SEPTIN7: variants seen among roughly 807,000 people sequenced by gnomAD.
The protein encoded by SEPTIN7 is septin 7, also known as septin-7.
In SEPTIN7, 10 loss-of-function variants were observed where a neutral mutation model predicts 63.3. The ratio of observed to expected loss-of-function variants is 0.16; its 90% CI spans 0.10 to 0.27. The LOEUF (loss-of-function observed/expected upper bound fraction) is 0.27. SEPTIN7 is among the 10% of genes least tolerant of loss of function. The pLI, the probability that SEPTIN7 is intolerant of heterozygous loss-of-function variation, is 1.00. For synonymous variants in SEPTIN7, 131 were observed against 165.3 expected, an observed-to-expected ratio of 0.79 and a Z score of 1.59; for missense variants, 310 against 521.0, an observed-to-expected ratio of 0.59 and a Z score of 3.94.
chr7:35,869,435 A>G (rs1448268450), intron 4 of SEPTIN7, among the ~76,000 whole-genome samples: 1 of 152,200 alleles, frequency 6.6e-6, no homozygotes, highest in Non-Finnish European at 1.5e-5. Context: ...GTTTGAGCTA[A>G]GTGGAGTATC....
chr7:35,839,991 T>A (rs1197635312), intron 3 of SEPTIN7, among the ~76,000 whole-genome samples: 1 of 152,234 alleles, frequency 6.6e-6, no homozygotes, highest in African/African-American at 2.4e-5. Flanking sequence ...GTATCATTTT[T>A]ATTTATTTGT....
chr7:35,842,193 A>G (rs1323832926), intron 3 of SEPTIN7, among the ~76,000 whole-genome samples: 24 of 152,150 alleles, frequency 1.6e-4, no homozygotes, highest in Admixed American at 1.6e-3. Flanking sequence ...TGTCTGAAAG[A>G]TAGTTTTATG....
Position 35,883,885 on chromosome 7 carries a change from T to G in SEPTIN7, c.724-6T>G. On this transcript the variant is annotated splice_region_variant and splice_polypyrimidine_tract_variant and intron_variant, in intron 8 of 13. Coordinates refer to ENST00000350320, the MANE Select transcript of SEPTIN7 (RefSeq NM_001788.6). ...TGTATTTGAACAAGAATACTTTGTT[T>G]TATAGGACCGTTTACCTCTTGCTGT... is the stretch of plus-strand genomic sequence containing the variant. 6.4e-7 allele frequency: 1 copy of G among 1,565,260 alleles called. No individual in the cohort carries two copies. The highest frequency in any genetic ancestry group is 8.8e-7 in the Non-Finnish European group (1 of 1,138,264).
At chr7:35,885,317 G>C (rs927116553) in intron 9 of SEPTIN7, among the ~76,000 whole-genome samples, 1 of 151,970 alleles carries the variant, frequency 6.6e-6, no homozygotes, top group Non-Finnish European at 1.5e-5. Flanking sequence ...TTAAAAATAC[G>C]CACCGGAGAA....
At chr7:35,861,535 T>C (rs572371517) in intron 3 of SEPTIN7, among the ~76,000 whole-genome samples, 2 of 152,332 alleles carry the variant, frequency 1.3e-5, no homozygotes, top group South Asian at 4.1e-4. Context: ...TGCCTAGGCC[T>C]GTGGGTCGCT....
intron 10 of SEPTIN7, among the ~76,000 whole-genome samples, chr7:35,886,789 G>A (rs928192851): frequency 3.9e-5 from 6 of 152,294 alleles, no homozygotes; most frequent in African/African-American, 1.4e-4. Context: ...GATAATAGTT[G>A]GAAATCATGG....
intron 4 of SEPTIN7, among the ~76,000 whole-genome samples, chr7:35,872,082 GA>G (rs1786186661): frequency 6.6e-6 from 1 of 152,052 alleles, no homozygotes; most frequent in Non-Finnish European, 1.5e-5. Context: ...CCAGAATGTG[GA>G]GTATCACATT....
chr7:35,808,826 G>A (rs1442660214), intron 1 of SEPTIN7, among the ~76,000 whole-genome samples: 1 of 152,142 alleles, frequency 6.6e-6, no homozygotes, highest in Non-Finnish European at 1.5e-5. Flanking sequence ...ATTTTGATTT[G>A]TTTAACATGT....
chr7:35,807,248 A>G (rs1366569552), intron 1 of SEPTIN7, among the ~76,000 whole-genome samples: 1 of 150,482 alleles, frequency 6.6e-6, no homozygotes, highest in Non-Finnish European at 1.5e-5. Context: ...GCAATGGCAC[A>G]GTCTCAGCCA....
At chr7:35,817,888 TG>T (rs1039781663) in intron 1 of SEPTIN7, among the ~76,000 whole-genome samples, 3 of 151,914 alleles carry the variant, frequency 2.0e-5, no homozygotes, top group Non-Finnish European at 4.4e-5. Flanking sequence ...GTTCCTGTAG[TG>T]TTTTTTTTTT....
chr7:35,832,672 A>G (rs746732738), intron 2 of SEPTIN7, 126 bp from the exon 3 acceptor site: 1 of 700,412 alleles, frequency 1.4e-6, no homozygotes. Flanking sequence ...TAATGCCATG[A>G]AAGTAGTTTG....
intron 1 of SEPTIN7, among the ~76,000 whole-genome samples, chr7:35,810,575 G>A (rs1329350568): frequency 1.3e-5 from 2 of 152,010 alleles, no homozygotes; most frequent in African/African-American, 4.8e-5. Flanking sequence ...CGCCCGCCTT[G>A]GCCTCCCAAA....
At chr7:35,816,889 T>C (rs1269689566) in intron 1 of SEPTIN7, among the ~76,000 whole-genome samples, 1 of 152,154 alleles carries the variant, frequency 6.6e-6, no homozygotes, top group African/African-American at 2.4e-5. Flanking sequence ...TTAAAATGCT[T>C]TGCTGAGTTT....
intron 10 of SEPTIN7, among the ~76,000 whole-genome samples, chr7:35,887,721 T>C (rs1367974855): frequency 1.3e-5 from 2 of 152,202 alleles, no homozygotes; most frequent in Non-Finnish European, 2.9e-5. Flanking sequence ...GTATAAGCAT[T>C]ACAGAGCAAA....
At chr7:35,801,710 G>A (rs570677465) in intron 1 of SEPTIN7, among the ~76,000 whole-genome samples, 2 of 152,300 alleles carry the variant, frequency 1.3e-5, no homozygotes, top group East Asian at 3.9e-4. Context: ...CCCTCGTGGG[G>A]CAGTGGGCCT....
At position 35,904,190 on chromosome 7, in the gene SEPTIN7, T is replaced by C. The variant is rs187914447; in HGVS notation, c.1275-64T>C. Reference sequence around the variant, plus strand: ...GTTGTAATTGGGTTAGCTGTTGTTATCATGTTGTCTATCATGTTTATAAAA... The same window carrying C: ...GTTGTAATTGGGTTAGCTGTTGTTACCATGTTGTCTATCATGTTTATAAAA... On this transcript the variant is annotated intron_variant, in intron 13 of 13. Transcript: ENST00000350320. 141 of 1,241,240 alleles carry C rather than the reference T, an allele frequency of 1.1e-4. 1 individual carries two copies. The highest frequency in any genetic ancestry group is 3.4e-5 in the Non-Finnish European group (31 of 904,062). 76.9% of individuals were successfully genotyped at this position (1,241,240 alleles called of 1,614,324 possible).
At chr7:35,825,367 A>G (rs956582671) in intron 1 of SEPTIN7, among the ~76,000 whole-genome samples, 3 of 152,138 alleles carry the variant, frequency 2.0e-5, no homozygotes, top group African/African-American at 4.8e-5. Context: ...TGTAGTTCCT[A>G]TAAGGAACCA....
chr7:35,820,684 A>G (rs554666826), intron 1 of SEPTIN7, among the ~76,000 whole-genome samples: 42 of 152,218 alleles, frequency 2.8e-4, no homozygotes, highest in Non-Finnish European at 6.2e-4. Context: ...GGTTTAAAGT[A>G]TTTGTTTAAT....
intron 1 of SEPTIN7, among the ~76,000 whole-genome samples, chr7:35,809,961 A>C (rs565790164): frequency 6.6e-6 from 1 of 152,258 alleles, no homozygotes; most frequent in East Asian, 1.9e-4. Flanking sequence ...GTAAGGTGTT[A>C]GGGAAGATGT....
Sources: gnomAD v4.1 joint callset for allele counts (sites outside exome capture counted in the v4.1 genomes callset) on GRCh38, gnomAD v4.1.1 for gene constraint, MANE v1.5 for transcripts, NCBI Gene and HGNC (gene_info 2026-07-23, HGNC 2026-07-21) for gene names.